RLF: variants seen among roughly 807,000 people sequenced by gnomAD.
RLF encodes the protein RLF zinc finger.
A neutral mutation model predicts 162.9 loss-of-function variants in RLF; 7 were observed. The ratio of observed to expected loss-of-function variants is 0.04; its 90% confidence interval spans 0.02 to 0.08. RLF has a LOEUF of 0.08. Ranked by LOEUF, RLF falls within the 10% of genes least tolerant of loss-of-function variation. The probability of loss-of-function intolerance (pLI) is 1.00; values close to 1 mark genes in which losing one functional copy is unlikely to be tolerated. For missense variants in RLF, 1,664 were observed against 2,244.7 expected (o/e 0.74, Z 5.23); for synonymous variants, 782 against 791.5 (o/e 0.99, Z 0.20).
chr1:40,233,099 A>AAT (rs904902516), intron 7 of RLF, among the ~76,000 whole-genome samples: 15 of 151,714 alleles, frequency 9.9e-5, no homozygotes, highest in African/African-American at 3.4e-4. Context: ...TGTCTCAAAA[A>AAT]AAAAAAAAAA....
At chr1:40,233,900 C>T (rs117586107) in intron 7 of RLF, among the ~76,000 whole-genome samples, 9 of 152,212 alleles carry the variant, frequency 5.9e-5, no homozygotes, top group Middle Eastern at 3.2e-3. Flanking sequence ...TCTACACTCA[C>T]TCACTCCCTT....
chr1:40,175,324 A>G (rs1043069170), intron 1 of RLF, among the ~76,000 whole-genome samples: 3 of 152,042 alleles, frequency 2.0e-5, no homozygotes, highest in African/African-American at 2.4e-5. Flanking sequence ...GAGAACATAT[A>G]TGTATATTTG....
At chr1:40,226,239 AAAG>A (rs1333027698) in intron 6 of RLF, among the ~76,000 whole-genome samples, 1 of 152,226 alleles carries the variant, frequency 6.6e-6, no homozygotes, top group African/African-American at 2.4e-5. Context: ...GAAGAAAATT[AAAG>A]AAGTACTAGA....
Position 40,239,839 on chromosome 1 carries a change from T to G in RLF, c.5137T>G (p.Phe1713Val). Residue 1713 changes from phenylalanine to valine, a missense_variant, in exon 8 of 8, where the codon TTC (phenylalanine) becomes GTC (valine). Phe to Val is a conservative substitution (Grantham distance 50). Coordinates refer to ENST00000372771, the MANE Select transcript of RLF (RefSeq NM_012421.4). ...NPNGTESGTY[F>V]TSFQLPLPRI... The stretch of plus-strand genomic sequence containing the variant: ...CAATGGGACTGAAAGTGGGACTTAT[T>G]TCACAAGTTTCCAGCTGCCTTTACC... The G allele has an allele frequency of 6.2e-7, 1 of 1,614,018 alleles. No individual in the cohort carries two copies. The highest frequency in any genetic ancestry group is 2.2e-5 in the East Asian group (1 of 44,880).
intron 3 of RLF, 122 bp downstream of exon 3, chr1:40,190,975 T>C: frequency 2.0e-6 from 1 of 497,404 alleles, no homozygotes; most frequent in East Asian, 3.3e-5. Flanking sequence ...TATTAGGTCA[T>C]GAAATGATAA....
At chr1:40,224,306 C>CTTT (rs869123049) in intron 6 of RLF, among the ~76,000 whole-genome samples, 1,414 of 127,886 alleles carry the variant, frequency 0.011, 33 homozygotes, top group African/African-American at 0.038. Flanking sequence ...GCAATTGCAT[C>CTTT]TTTTTTTTTT....
intron 1 of RLF, among the ~76,000 whole-genome samples, chr1:40,173,322 C>T (rs753666341): frequency 9.2e-5 from 14 of 152,024 alleles, no homozygotes; most frequent in Non-Finnish European, 1.5e-4. Flanking sequence ...GTGATCCTCC[C>T]GCCTTGGCCT....
chr1:40,207,769 C>T (rs552360674), intron 5 of RLF, among the ~76,000 whole-genome samples: 4 of 152,186 alleles, frequency 2.6e-5, no homozygotes, highest in African/African-American at 9.6e-5. Flanking sequence ...CGCCACTACA[C>T]CTAGCTCATT....
chr1:40,227,918 G>A (rs1198673201), intron 6 of RLF, among the ~76,000 whole-genome samples: 2 of 151,994 alleles, frequency 1.3e-5, no homozygotes, highest in South Asian at 2.1e-4. Context: ...CAGGAGAATC[G>A]CTTGAACCTG....
Position 40,236,283 on chromosome 1 carries a change from T to C in RLF, c.1581T>C (p.Asp527=), listed in dbSNP as rs570392351. The change falls in exon 8 of 8, where the codon GAT becomes GAC. Residue 527 remains aspartate (D), a synonymous_variant. Coordinates refer to ENST00000372771, the MANE Select transcript of RLF (RefSeq NM_012421.4). The surrounding 1 kb of genome is among the most constrained non-coding windows in gnomAD (Gnocchi z 7.7). ...GKEDKQYRRR[D]LTDQHKEKRD... ...AAGATAAACAATATAGAAGAAGAGA[T>C]TTGACAGATCAGCATAAGGAGAAAA... The C allele has an allele frequency of 6.2e-7, 1 of 1,613,862 alleles. No individual in the cohort carries two copies. The highest frequency in any genetic ancestry group is 1.1e-5 in the South Asian group (1 of 91,064).
chr1:40,209,260 C>T (rs574205741), intron 5 of RLF, among the ~76,000 whole-genome samples: 27 of 152,286 alleles, frequency 1.8e-4, no homozygotes, highest in African/African-American at 6.0e-4. Context: ...TGAATCTTGA[C>T]ATTGTCATTT....
intron 3 of RLF, among the ~76,000 whole-genome samples, chr1:40,192,636 G>A (rs528412029): frequency 5.9e-5 from 9 of 152,202 alleles, no homozygotes; most frequent in African/African-American, 1.7e-4. Context: ...TATCAGATGT[G>A]TAGGATATAT....
intron 1 of RLF, among the ~76,000 whole-genome samples, chr1:40,177,183 G>A (rs905171257): frequency 3.3e-5 from 5 of 151,800 alleles, no homozygotes; most frequent in African/African-American, 9.7e-5. Flanking sequence ...ACAGGGTTTC[G>A]CCATGTTGGC....
intron 5 of RLF, among the ~76,000 whole-genome samples, chr1:40,205,219 C>T (rs528013179): frequency 1.8e-4 from 28 of 152,092 alleles, no homozygotes; most frequent in Admixed American, 1.4e-3. Flanking sequence ...TTAGGGAGGC[C>T]GAGGCACAAG....
At chr1:40,214,869 A>C (rs1467961894) in intron 5 of RLF, among the ~76,000 whole-genome samples, 1 of 140,076 alleles carries the variant, frequency 7.1e-6, no homozygotes. Context: ...GCTGCAGTGA[A>C]CTATGATCAT....
chr1:40,203,109 C>CTTTTTT lies in RLF; in HGVS notation c.810+513_810+518dup, dbSNP rs34957684. Among the ~76,000 whole-genome samples the CTTTTTT allele has an allele frequency of 1.2e-4, 12 of 99,686 alleles. 1 individual carries two copies. Among genetic ancestry groups the CTTTTTT allele is most frequent in the African/African-American group, 3.6e-4 (9 of 25,250 alleles). The allele number at this position is 99,686 out of a possible 152,430, so 65.4% of individuals were successfully genotyped here. ...ATATCATGGAAAATAAGGGTTGAGT[C>CTTTTTT]TTTTTTTTTTTTTTTTTTTTTTTGA... On this transcript the variant is annotated intron_variant, in intron 5 of 7. Coordinates refer to ENST00000372771, the MANE Select transcript of RLF (RefSeq NM_012421.4).
At chr1:40,222,941 A>G (rs1269202988) in intron 6 of RLF, among the ~76,000 whole-genome samples, 1 of 152,196 alleles carries the variant, frequency 6.6e-6, no homozygotes, top group Non-Finnish European at 1.5e-5. Flanking sequence ...ACTCCAATAT[A>G]TGTCTTCTAC....
chr1:40,207,569 C>CA, intron 5 of RLF, among the ~76,000 whole-genome samples: 1 of 152,130 alleles, frequency 6.6e-6, no homozygotes, highest in Non-Finnish European at 1.5e-5. Context: ...TGCTATGGCC[C>CA]AGATCATATC....
intron 1 of RLF, among the ~76,000 whole-genome samples, chr1:40,168,336 C>T (rs1205739201): frequency 3.3e-5 from 5 of 152,332 alleles, no homozygotes; most frequent in African/African-American, 1.2e-4. Flanking sequence ...ACTTCCGCCT[C>T]CTGGGTTCAA....
Sources: allele counts gnomAD v4.1 joint callset (sites outside exome capture counted in the v4.1 genomes callset), GRCh38; gene constraint gnomAD v4.1.1; non-coding constraint Gnocchi (gnomAD v3.1); transcripts MANE v1.5; gene names NCBI Gene and HGNC (gene_info 2026-07-23, HGNC 2026-07-21).